Variants in SMG1 observed in about 807,000 individuals in gnomAD.
The protein encoded by SMG1 is serine/threonine-protein kinase SMG1.
SMG1 carries 22 observed loss-of-function variants against 419.9 expected under a neutral mutation model. That is an observed-to-expected ratio of 0.05 (90% confidence interval 0.04 to 0.07). The LOEUF (loss-of-function observed/expected upper bound fraction) is 0.07. Ranked by LOEUF, SMG1 falls within the 10% of genes least tolerant of loss-of-function variation. The pLI is 1.00. For synonymous variants in SMG1, 1,538 were observed against 1,553.5 expected, an observed-to-expected ratio of 0.99 and a Z score of 0.23; for missense variants, 3,185 against 4,342.0, an observed-to-expected ratio of 0.73 and a Z score of 7.49.
In SMG1 at chr16:18,845,463, G is replaced by A. The variant is rs1429197554; in HGVS notation, c.6185C>T (p.Ala2062Val). 1 of 1,613,910 alleles carries A rather than the reference G, an allele frequency of 6.2e-7. No individual in the cohort carries two copies. ...LEKLKTPLNP[A>V]KPGSSWIPFK... The stretch of plus-strand genomic sequence containing the variant: ...TGGAATCCAGCTGCTCCCAGGCTTT[G>A]CAGGGTTCAATGGAGTCTTCAGTTT... The change falls in exon 39 of 63, where the codon GCA (alanine) becomes GTA (valine). Residue 2062 changes from alanine (A) to valine (V), a missense_variant. Ala to Val is a moderately conservative substitution (Grantham distance 64). Around this residue, in one of 27 missense-constraint regions of SMG1, gnomAD observed 159 missense variants for 196.0 expected, o/e 0.81. Transcript: ENST00000446231.
At chr16:18,840,408 C>T (rs2033847073) in intron 41 of SMG1, among the ~76,000 whole-genome samples, 2 of 152,180 alleles carry the variant, frequency 1.3e-5, no homozygotes, top group South Asian at 4.1e-4. Context: ...CCTTCAATAA[C>T]AGTTCTGCAG....
rs908639192 is a variant in SMG1 at position 18,809,521 on chromosome 16, G to A, written c.*48C>T. Reference sequence around the variant, plus strand: ...GGATGCCTGAGGCTGAGTTGATTCTGGTGGATGTCTGACCTCGCTTAACCA... The same window carrying A: ...GGATGCCTGAGGCTGAGTTGATTCTAGTGGATGTCTGACCTCGCTTAACCA... On this transcript the variant is annotated 3_prime_UTR_variant, in exon 63 of 63. Coordinates refer to ENST00000446231, the MANE Select transcript of SMG1 (RefSeq NM_015092.5). The A allele has an allele frequency of 1.1e-5, 16 of 1,421,222 alleles. No homozygotes were observed. The highest frequency in any genetic ancestry group is 1.6e-5 in the Non-Finnish European group (16 of 1,016,018). 88.0% of individuals were successfully genotyped at this position (1,421,222 alleles called of 1,614,324 possible).
chr16:18,863,966 T>C (rs1327270557), intron 24 of SMG1, 36 bp downstream of exon 24: 5 of 1,551,216 alleles, frequency 3.2e-6, no homozygotes, highest in Admixed American at 3.9e-5. Context: ...TATATTACTA[T>C]AACTTTTGCT....
chr16:18,914,260 C>T (rs1276058465), intron 1 of SMG1, among the ~76,000 whole-genome samples: 1 of 151,824 alleles, frequency 6.6e-6, no homozygotes, highest in Admixed American at 6.6e-5. Flanking sequence ...TAAAGTCCTA[C>T]ACATATTATA....
intron 6 of SMG1, among the ~76,000 whole-genome samples, chr16:18,887,433 A>G (rs1327021124): frequency 6.6e-6 from 1 of 151,348 alleles, no homozygotes; most frequent in African/African-American, 2.4e-5. Flanking sequence ...TCAACCTCCC[A>G]GGCACAAGCA....
At chr16:18,890,148 C>A (rs1457748650) in intron 5 of SMG1, among the ~76,000 whole-genome samples, 1 of 152,162 alleles carries the variant, frequency 6.6e-6, no homozygotes, top group East Asian at 1.9e-4. Flanking sequence ...TCTGGAGATT[C>A]TAATAGCCAG....
Position 18,896,853 on chromosome 16 carries a change from C to G in SMG1, c.196G>C (p.Val66Leu). 1 of 1,609,436 alleles carries G rather than the reference C, an allele frequency of 6.2e-7. No homozygotes were observed. The highest frequency in any genetic ancestry group is 8.5e-7 in the Non-Finnish European group (1 of 1,178,274). The change falls in exon 2 of 63, where the codon GTG becomes CTG. Residue 66 changes from valine to leucine, a missense_variant. This residue lies in a region of SMG1 where 88 missense variants were observed against 85.9 expected (regional missense o/e 1.02). Transcript: ENST00000446231. ...YGLQPSNSAV[V>L]SRQRHDDTRV... ...GTATCATCGTGCCTTTGCCGAGACA[C>G]CACAGCTGAATTTGAAGGTTGCAGT...
At chr16:18,809,848 G>C (rs1416540593) in intron 62 of SMG1, among the ~76,000 whole-genome samples, 2 of 152,002 alleles carry the variant, frequency 1.3e-5, no homozygotes, top group African/African-American at 4.8e-5. Context: ...ACTTTAAAAA[G>C]AGAGCTAAGA....
Position 18,883,774 on chromosome 16 carries a change from C to T in SMG1, c.1119+296G>A, listed in dbSNP as rs1025773016. ...TCTCTACTAAAAATACAAAAATTAG[C>T]TGGGCATGGTGGCGGGCACCTGTAA... On this transcript the variant is annotated intron_variant, in intron 9 of 62. Transcript: ENST00000446231. Among the ~76,000 whole-genome samples the T allele has an allele frequency of 3.3e-5, 5 of 152,162 alleles. No homozygotes were observed. The South Asian group carries it at 8.3e-4, about 25-fold the overall frequency.
chr16:18,828,995 T>C (rs956021461), intron 54 of SMG1, among the ~76,000 whole-genome samples: 1 of 129,746 alleles, frequency 7.7e-6, no homozygotes, highest in Non-Finnish European at 1.7e-5. Flanking sequence ...CAAAACTCCA[T>C]CTCAAAAAAA....
At chr16:18,884,465 G>A (rs1243395807) in intron 8 of SMG1, among the ~76,000 whole-genome samples, 2 of 151,926 alleles carry the variant, frequency 1.3e-5, no homozygotes, top group African/African-American at 2.4e-5. Flanking sequence ...AGACTAAACT[G>A]CCACAATCTA....
chr16:18,905,411 T>A lies in SMG1; in HGVS notation c.93-8455A>T, dbSNP rs566623093. Among the ~76,000 whole-genome samples the A allele has an allele frequency of 2.6e-5, 4 of 152,288 alleles. No homozygotes were observed. The East Asian group carries it at 7.7e-4, about 29-fold the overall frequency. On this transcript the variant is annotated intron_variant, in intron 1 of 62. Coordinates refer to ENST00000446231, the MANE Select transcript of SMG1 (RefSeq NM_015092.5). Reference sequence around the variant, plus strand: ...AACCCACTTTAATCTGGGTTCCACCTGCAACACACCACTGAAGCTATTCCT... The same window carrying A: ...AACCCACTTTAATCTGGGTTCCACCAGCAACACACCACTGAAGCTATTCCT...
rs758137024 is a variant in SMG1 at position 18,816,443 on chromosome 16, C to T, written c.10161G>A (p.Arg3387=). ...KQLTQDMSTQ[R]AIQTEKEQQI... ...GCTGCTCTTTCTCTGTCTGAATTGC[C>T]CTCTGAGTAGACATATCCTGGGTCA... The change falls in exon 58 of 63, where the codon AGG becomes AGA. Residue 3387 remains arginine, a synonymous_variant. Coordinates refer to ENST00000446231, the MANE Select transcript of SMG1 (RefSeq NM_015092.5). The T allele has an allele frequency of 1.2e-6, 2 of 1,613,850 alleles. No individual in the cohort carries two copies. Among genetic ancestry groups the T allele is most frequent in the African/African-American group, 1.3e-5 (1 of 75,008 alleles).
At chr16:18,887,496 G>A (rs1253815676) in intron 6 of SMG1, among the ~76,000 whole-genome samples, 6 of 124,854 alleles carry the variant, frequency 4.8e-5, no homozygotes, top group Admixed American at 8.5e-5. Context: ...ATGCCACCAC[G>A]CCCGACTTAT....
chr16:18,807,748 ATTTT>A lies in SMG1; in HGVS notation c.*1817_*1820del, dbSNP rs904728812. The A allele has an allele frequency of 4.7e-5, 7 of 148,040 alleles. No homozygotes were observed. Among genetic ancestry groups the A allele is most frequent in the Admixed American group, 2.0e-4 (3 of 14,790 alleles). 9.2% of individuals were successfully genotyped at this position (148,040 alleles called of 1,614,324 possible). A position where few individuals can be genotyped will look rare whatever the true frequency, so the allele number is the denominator to read the frequency against. ...AATGCAGGGAAAATGTACTCAAACA[ATTTT>A]TTTTTTTATCTAGTCATTTATTTTT... is the stretch of plus-strand genomic sequence containing the variant. On this transcript the variant is annotated 3_prime_UTR_variant, in exon 63 of 63. Coordinates refer to ENST00000446231, the MANE Select transcript of SMG1 (RefSeq NM_015092.5).
At chr16:18,913,852 A>G (rs2037875357) in intron 1 of SMG1, among the ~76,000 whole-genome samples, 1 of 152,084 alleles carries the variant, frequency 6.6e-6, no homozygotes, top group Non-Finnish European at 1.5e-5. Flanking sequence ...AACAAAAACA[A>G]TCTATAATTC....
chr16:18,830,519 T>C (rs1300115065), intron 51 of SMG1, 150 bp from the exon 52 acceptor site: 1 of 863,018 alleles, frequency 1.2e-6, no homozygotes, highest in Admixed American at 2.8e-5. Flanking sequence ...CCGGGCGCGG[T>C]GGCTCACGCC....
At position 18,835,106 on chromosome 16, in the gene SMG1, T is replaced by C; in HGVS notation, c.8116A>G (p.Thr2706Ala). ...GCGTATCGCTGCAGGGTCATTTCAG[T>C]GGCAGTGATGAACTGACACACTGTT... is the stretch of plus-strand genomic sequence containing the variant. ...PPTVCQFITA[T>A]EMTLQRYAAD... Residue 2706 changes from threonine to alanine, a missense_variant, in exon 49 of 63, where the codon ACT (threonine) becomes GCT (alanine). Thr to Ala is a moderately conservative substitution (Grantham distance 58). Around this residue, in one of 27 missense-constraint regions of SMG1, gnomAD observed 412 missense variants for 546.6 expected, o/e 0.75. Transcript: ENST00000446231. 6.2e-7 allele frequency: 1 copy of C among 1,613,940 alleles called. No individual in the cohort carries two copies. Among genetic ancestry groups the C allele is most frequent in the Non-Finnish European group, 8.5e-7 (1 of 1,179,826 alleles).
intron 1 of SMG1, among the ~76,000 whole-genome samples, chr16:18,912,326 A>G (rs1294365723): frequency 6.6e-6 from 1 of 151,964 alleles, no homozygotes; most frequent in Admixed American, 6.6e-5. Context: ...CAATAGCAAT[A>G]ATAATAATGT....
Sources: gnomAD v4.1 joint callset for allele counts (sites outside exome capture counted in the v4.1 genomes callset) on GRCh38, gnomAD v4.1.1 for gene constraint, gnomAD v4.1.1 regional missense constraint, MANE v1.5 for transcripts, NCBI Gene and HGNC (gene_info 2026-07-23, HGNC 2026-07-21) for gene names.